CSMD1: variants seen among roughly 807,000 people sequenced by gnomAD.
CSMD1 encodes CUB and sushi domain-containing protein 1.
In CSMD1, 213 loss-of-function variants were observed where a neutral mutation model predicts 417.5. The ratio of observed to expected loss-of-function variants is 0.51; its 90% CI spans 0.46 to 0.57. CSMD1 has a LOEUF of 0.57. CSMD1 is among the 20% of genes least tolerant of loss of function. The probability of loss-of-function intolerance (pLI) is 0.00; values close to 1 mark genes in which losing one functional copy is unlikely to be tolerated. For missense variants in CSMD1, 6,923 were observed against 4,529.7 expected, an observed-to-expected ratio of 1.53 and a Z score of -15.17; for synonymous variants, 2,862 against 1,736.8, an observed-to-expected ratio of 1.65 and a Z score of -16.11.
intron 1 of CSMD1, among the ~76,000 whole-genome samples, chr8:4,651,628 G>C (rs1448272156): frequency 6.6e-6 from 1 of 152,134 alleles, no homozygotes; most frequent in Non-Finnish European, 1.5e-5. Context: ...ATTCTCATAA[G>C]ATCCTTACAC....
chr8:4,406,689 A>G (rs999495555), intron 3 of CSMD1, among the ~76,000 whole-genome samples: 4 of 152,164 alleles, frequency 2.6e-5, no homozygotes, highest in Non-Finnish European at 4.4e-5. Context: ...AAAACTACAC[A>G]AAGAAAACTT....
chr8:3,850,497 C>T (rs957116281), intron 5 of CSMD1, among the ~76,000 whole-genome samples: 12 of 152,096 alleles, frequency 7.9e-5, no homozygotes, highest in Non-Finnish European at 1.8e-4. Context: ...GAGTTCAAGA[C>T]CGGCTTGGCC....
intron 1 of CSMD1, among the ~76,000 whole-genome samples, chr8:4,648,061 A>C (rs1379695874): frequency 1.3e-5 from 2 of 152,236 alleles, no homozygotes. Context: ...ATTTCTCCAC[A>C]GTCTCACAAG....
chr8:4,924,371 T>C (rs932446816), intron 1 of CSMD1, among the ~76,000 whole-genome samples: 7 of 152,208 alleles, frequency 4.6e-5, no homozygotes, highest in Admixed American at 1.3e-4. Context: ...TCTATTTTTA[T>C]TGAATTAAAA....
intron 3 of CSMD1, among the ~76,000 whole-genome samples, chr8:4,122,432 C>G (rs113431679): frequency 5.3e-5 from 8 of 152,170 alleles, no homozygotes; most frequent in Admixed American, 4.6e-4. Context: ...AAACCTCTGA[C>G]GCAGTTAGCA....
At chr8:3,240,839 G>C (rs901102073) in intron 26 of CSMD1, among the ~76,000 whole-genome samples, 1 of 152,144 alleles carries the variant, frequency 6.6e-6, no homozygotes, top group Admixed American at 6.5e-5. Context: ...GGCTTGTCTG[G>C]TTCTAGAACA....
intron 4 of CSMD1, among the ~76,000 whole-genome samples, chr8:4,019,471 G>A (rs369803133): frequency 2.2e-4 from 31 of 140,656 alleles, no homozygotes; most frequent in African/African-American, 6.6e-4. Context: ...CCCTTATTAG[G>A]GCCCACTGTT....
intron 6 of CSMD1, among the ~76,000 whole-genome samples, chr8:3,724,991 T>C (rs1050849992): frequency 1.3e-5 from 2 of 152,218 alleles, no homozygotes; most frequent in African/African-American, 4.8e-5. Flanking sequence ...TTTGGTATCC[T>C]AATATTTTAT....
intron 16 of CSMD1, among the ~76,000 whole-genome samples, chr8:3,397,987 A>G (rs1211769299): frequency 6.6e-6 from 1 of 152,228 alleles, no homozygotes; most frequent in East Asian, 1.9e-4. Context: ...TACAGATCAC[A>G]CATGTCTAAA....
At chr8:4,527,055 T>A (rs983609311) in intron 2 of CSMD1, among the ~76,000 whole-genome samples, 3 of 152,166 alleles carry the variant, frequency 2.0e-5, no homozygotes, top group African/African-American at 7.2e-5. Flanking sequence ...TTCCCTTTCT[T>A]TGTGTGTCTG....
At chr8:3,965,377 G>A (rs1233108729) in intron 5 of CSMD1, among the ~76,000 whole-genome samples, 1 of 152,164 alleles carries the variant, frequency 6.6e-6, no homozygotes, top group Non-Finnish European at 1.5e-5. Context: ...GTGTGAACAA[G>A]CGTTCTACAA....
intron 3 of CSMD1, among the ~76,000 whole-genome samples, chr8:4,237,117 G>C (rs141031075): frequency 5.3e-4 from 81 of 152,246 alleles, no homozygotes; most frequent in Non-Finnish European, 8.4e-4. Flanking sequence ...TCAAGAACTA[G>C]CTACTTTGCA....
chr8:4,490,275 C>T (rs189532741), intron 2 of CSMD1, among the ~76,000 whole-genome samples: 5 of 152,138 alleles, frequency 3.3e-5, no homozygotes. Context: ...CTGCTGACCT[C>T]GTGATCCACT....
intron 2 of CSMD1, among the ~76,000 whole-genome samples, chr8:4,549,168 G>C (rs766303146): frequency 7.7e-4 from 117 of 152,106 alleles, no homozygotes; most frequent in Non-Finnish European, 8.7e-4. Flanking sequence ...ACTGACTCAA[G>C]GGATTCCTCT....
intron 3 of CSMD1, among the ~76,000 whole-genome samples, chr8:4,285,933 G>C (rs1048867194): frequency 3.3e-5 from 5 of 152,134 alleles, no homozygotes; most frequent in African/African-American, 1.2e-4. Flanking sequence ...AACCTTTTAA[G>C]TGGCTATGAT....
chr8:4,918,561 G>C (rs1221503046), intron 1 of CSMD1, among the ~76,000 whole-genome samples: 1 of 152,074 alleles, frequency 6.6e-6, no homozygotes, highest in Admixed American at 6.5e-5. Context: ...CCAATGTCTA[G>C]ACAAGCACTG....
chr8:3,057,791 G>A (rs890560498), intron 49 of CSMD1, among the ~76,000 whole-genome samples: 1 of 152,136 alleles, frequency 6.6e-6, no homozygotes. Flanking sequence ...TTGTGATTAT[G>A]TATTTTCAAT....
chr8:4,286,390 C>G (rs1393670033), intron 3 of CSMD1, among the ~76,000 whole-genome samples: 1 of 152,080 alleles, frequency 6.6e-6, no homozygotes, highest in African/African-American at 2.4e-5. Context: ...AGTCCTTCAC[C>G]AAGGGCTTCA....
intron 5 of CSMD1, among the ~76,000 whole-genome samples, chr8:3,848,328 A>T (rs1328840198): frequency 1.3e-5 from 2 of 152,206 alleles, no homozygotes; most frequent in Non-Finnish European, 2.9e-5. Flanking sequence ...TCACCACATC[A>T]AAAGGAGCAA....
Sources: allele counts gnomAD v4.1 joint callset (sites outside exome capture counted in the v4.1 genomes callset), GRCh38; gene constraint gnomAD v4.1.1; transcripts MANE v1.5; gene names NCBI Gene and HGNC (gene_info 2026-07-23, HGNC 2026-07-21).